FARP2: variants seen among roughly 807,000 people sequenced by gnomAD.
The protein encoded by FARP2 is FERM, ARHGEF and pleckstrin domain-containing protein 2.
A neutral mutation model predicts 130.5 loss-of-function variants in FARP2; 111 were observed. The ratio of observed to expected loss-of-function variants is 0.85; its 90% confidence interval spans 0.73 to 1.00. The LOEUF (loss-of-function observed/expected upper bound fraction) is 1.00, where lower values mean the gene tolerates loss of function less well. Ranked by LOEUF, FARP2 falls within the 50% of genes least tolerant of loss-of-function variation. The probability of loss-of-function intolerance (pLI) is 0.00; values close to 1 mark genes in which losing one functional copy is unlikely to be tolerated. For missense variants in FARP2, 1,385 were observed against 1,346.3 expected (o/e 1.03, Z -0.45); for synonymous variants, 504 against 516.9 (o/e 0.98, Z 0.34).
At position 241,434,144 on chromosome 2, in the gene FARP2, T is replaced by A. The variant is rs765894031; in HGVS notation, c.868-14T>A. The stretch of plus-strand genomic sequence containing the variant: ...TCATTCTTGAATTAATTAACCTTTG[T>A]GTTTTGTTTCTAGGGACCTTACCAG... On this transcript the variant is annotated splice_polypyrimidine_tract_variant and intron_variant, in intron 9 of 26. Transcript: ENST00000264042. The A allele has an allele frequency of 6.3e-7, 1 of 1,582,232 alleles. No homozygotes were observed.
At chr2:241,373,529 G>A (rs920869859) in intron 2 of FARP2, among the ~76,000 whole-genome samples, 2 of 152,068 alleles carry the variant, frequency 1.3e-5, no homozygotes, top group Non-Finnish European at 2.9e-5. Flanking sequence ...ATCTTCTTTC[G>A]TGAGAGGCTG....
intron 3 of FARP2, among the ~76,000 whole-genome samples, chr2:241,404,256 G>A (rs1220952755): frequency 6.6e-6 from 1 of 152,142 alleles, no homozygotes; most frequent in East Asian, 1.9e-4. Flanking sequence ...CTTAATAGAT[G>A]CAACCTTAAA....
At chr2:241,463,522 C>T (rs1049018561) in intron 16 of FARP2, 54 bp downstream of exon 16, 28 of 1,573,468 alleles carry the variant, frequency 1.8e-5, no homozygotes, top group African/African-American at 8.1e-5. Context: ...TCATCATCAC[C>T]GCTCTTAGGA....
At chr2:241,360,185 T>G (rs1201749625) in intron 1 of FARP2, among the ~76,000 whole-genome samples, 1 of 152,196 alleles carries the variant, frequency 6.6e-6, no homozygotes, top group Non-Finnish European at 1.5e-5. Context: ...CATTTAGACT[T>G]GCCTGAAACA....
chr2:241,483,408 G>C, intron 19 of FARP2, 57 bp from the exon 20 acceptor site: 6 of 1,459,842 alleles, frequency 4.1e-6, no homozygotes, highest in Non-Finnish European at 5.8e-6. Context: ...AGCCCGGCTA[G>C]TGCATCCGCC....
At chr2:241,481,056 C>CAAA (rs34996407) in intron 19 of FARP2, among the ~76,000 whole-genome samples, 5 of 105,172 alleles carry the variant, frequency 4.8e-5, no homozygotes, top group African/African-American at 1.5e-4. Flanking sequence ...TTGTCTCTAC[C>CAAA]AAAAAAAAAA....
intron 8 of FARP2, among the ~76,000 whole-genome samples, chr2:241,428,549 T>G (rs2063014703): frequency 6.6e-6 from 1 of 152,060 alleles, no homozygotes; most frequent in Non-Finnish European, 1.5e-5. Context: ...GGGGCAATAT[T>G]TTGGGAACTA....
In FARP2 at chr2:241,436,472, G is replaced by GT. The variant is rs751985790; in HGVS notation, c.1101-5dup. 6.2e-7 allele frequency: 1 copy of GT among 1,614,140 alleles called. No homozygotes were observed. Among genetic ancestry groups the GT allele is most frequent in the Non-Finnish European group, 8.5e-7 (1 of 1,179,996 alleles). On this transcript the variant is annotated splice_polypyrimidine_tract_variant and intron_variant, in intron 11 of 26. Coordinates refer to ENST00000264042, the MANE Select transcript of FARP2 (RefSeq NM_014808.4). The stretch of plus-strand genomic sequence containing the variant: ...CTTGGTTTCTCACAGCTCGTCCTCT[G>GT]TTTTGCAGAAGGCACAGCAAGACCC...
At chr2:241,483,889 G>C in intron 20 of FARP2, 1 of 985,462 alleles carries the variant, frequency 1.0e-6, no homozygotes, top group Non-Finnish European at 1.2e-6. Context: ...TTCACTGTTG[G>C]CTCAGAAGCC....
intron 2 of FARP2, among the ~76,000 whole-genome samples, chr2:241,401,950 C>T (rs576255969): frequency 2.6e-5 from 4 of 152,138 alleles, no homozygotes; most frequent in African/African-American, 9.6e-5. Flanking sequence ...CCACCATACC[C>T]GGCCAATTTT....
chr2:241,468,328 C>T lies in FARP2; in HGVS notation c.2082C>T (p.Arg694=), dbSNP rs1341256312. Residue 694 remains arginine, a synonymous_variant, in exon 18 of 27, where the codon CGC becomes CGT. Transcript: ENST00000264042. The part of the protein sequence containing the change: ...RLLHYRLLLR[R]LCGHYSPGHH... ...TGCACTACCGCCTGCTGCTGCGCCG[C>T]CTATGCGGACATTACAGCCCCGGGC... 1 of 1,613,424 alleles carries T rather than the reference C, an allele frequency of 6.2e-7. No homozygotes were observed. Among genetic ancestry groups the T allele is most frequent in the African/African-American group, 1.3e-5 (1 of 74,960 alleles).
intron 13 of FARP2, among the ~76,000 whole-genome samples, chr2:241,454,005 C>T (rs968478988): frequency 1.3e-5 from 2 of 151,672 alleles, no homozygotes; most frequent in African/African-American, 2.4e-5. Flanking sequence ...AAGCTGGTCT[C>T]GAACTCCTGA....
chr2:241,390,135 G>A (rs111939726), intron 2 of FARP2, among the ~76,000 whole-genome samples: 3 of 152,318 alleles, frequency 2.0e-5, no homozygotes, highest in Non-Finnish European at 2.9e-5. Context: ...AGTTGGCCCC[G>A]TGGCATAGTG....
Position 241,468,212 on chromosome 2 carries a change from A to T in FARP2, c.1966A>T (p.Lys656Ter). Residue 656 changes from lysine (K) to a stop codon, truncating the protein, a stop_gained, in exon 18 of 27, where the codon AAG (lysine) becomes TAG (stop). Coordinates refer to ENST00000264042, the MANE Select transcript of FARP2 (RefSeq NM_014808.4). LOFTEE classifies it high-confidence loss of function. The part of the protein sequence containing the change: ...ELEKATKRCK[K>*]LEAVYKEFEL... ...GGAAAAGGCTACCAAACGCTGTAAG[A>T]AGTTGGAGGCAGTGTACAAGGAGTT... The T allele has an allele frequency of 6.2e-7, 1 of 1,614,196 alleles. No homozygotes were observed. The highest frequency in any genetic ancestry group is 8.5e-7 in the Non-Finnish European group (1 of 1,180,034).
At chr2:241,365,376 G>A (rs12473905) in intron 1 of FARP2, among the ~76,000 whole-genome samples, 5,069 of 152,030 alleles carry the variant, frequency 0.033, 512 homozygotes, top group Admixed American at 0.19. Context: ...TCTAAGAGAG[G>A]GACTTTTTTC....
intron 6 of FARP2, 55 bp downstream of exon 6, chr2:241,411,185 C>A (rs929697238): frequency 2.5e-6 from 3 of 1,221,938 alleles, no homozygotes; most frequent in African/African-American, 1.5e-5. Context: ...CAGATATACC[C>A]GCACTCAGAA....
At chr2:241,408,466 C>T (rs780229856) in intron 5 of FARP2, among the ~76,000 whole-genome samples, 36 of 151,476 alleles carry the variant, frequency 2.4e-4, no homozygotes, top group Non-Finnish European at 3.8e-4. Flanking sequence ...TCTGTTGAAT[C>T]CAGGAGGCAG....
Position 241,482,891 on chromosome 2 carries a change from C to G in FARP2, c.2263-574C>G, listed in dbSNP as rs2064652006. 6.6e-6 allele frequency among the ~76,000 whole-genome samples: 1 copy of G among 152,146 alleles called. No homozygotes were observed. Among genetic ancestry groups the G allele is most frequent in the African/African-American group, 2.4e-5 (1 of 41,440 alleles). On this transcript the variant is annotated intron_variant, in intron 19 of 26. Coordinates refer to ENST00000264042, the MANE Select transcript of FARP2 (RefSeq NM_014808.4). This position sits in a 1 kb window ranked among gnomAD's most constrained non-coding sequence, Gnocchi z 4.6. ...CAGGATTCTTTTTTCTTATCTAACG[C>G]CCTGTGGTGGACGAGGTGGTGCTAA... is the stretch of plus-strand genomic sequence containing the variant.
At position 241,477,077 on chromosome 2, in the gene FARP2, ACT is replaced by A. The variant is rs557072709; in HGVS notation, c.2262+1093_2262+1094del. Reference sequence around the variant, plus strand: ...TCACACATTAATGTGGCCTCTTGTGACTCTTCTTTCACTCAGAATAATCTTTT... The same window carrying A: ...TCACACATTAATGTGGCCTCTTGTGACTTCTTTCACTCAGAATAATCTTTT... On this transcript the variant is annotated intron_variant, in intron 19 of 26. Coordinates refer to ENST00000264042, the MANE Select transcript of FARP2 (RefSeq NM_014808.4). Among the ~76,000 whole-genome samples, 171 of 139,770 alleles carry A rather than the reference ACT, an allele frequency of 1.2e-3. 1 individual carries two copies. The highest frequency in any genetic ancestry group is 4.1e-3 in the African/African-American group (154 of 37,116). 91.7% of individuals were successfully genotyped at this position (139,770 alleles called of 152,430 possible). A position where few individuals can be genotyped will look rare whatever the true frequency, so the allele number is the denominator to read the frequency against.
Sources: allele counts gnomAD v4.1 joint callset (sites outside exome capture counted in the v4.1 genomes callset), GRCh38; gene constraint gnomAD v4.1.1; non-coding constraint Gnocchi (gnomAD v3.1); transcripts MANE v1.5; gene names NCBI Gene and HGNC (gene_info 2026-07-23, HGNC 2026-07-21).